Variants in NUP93 observed in about 807,000 individuals in gnomAD.
The protein encoded by NUP93 is nuclear pore complex protein Nup93.
NUP93 carries 55 observed loss-of-function variants against 107.8 expected under a neutral mutation model. That is an observed-to-expected ratio of 0.51 (90% CI 0.41 to 0.64). The LOEUF (loss-of-function observed/expected upper bound fraction) is 0.64, where lower values mean the gene tolerates loss of function less well. Among genes scored for constraint, NUP93 ranks in the 30% least tolerant of loss-of-function variants. NUP93 has a pLI of 0.00. For missense variants in NUP93, 937 were observed against 1,044.7 expected (o/e 0.90, Z 1.42); for synonymous variants, 390 against 397.5 (o/e 0.98, Z 0.22).
intron 21 of NUP93, among the ~76,000 whole-genome samples, chr16:56,843,538 G>A (rs1165307564): frequency 6.6e-6 from 1 of 152,172 alleles, no homozygotes; most frequent in Non-Finnish European, 1.5e-5. Flanking sequence ...GACGTCCTTG[G>A]TTTCATGGTT....
At chr16:56,782,195 C>T (rs993828252) in intron 3 of NUP93, 17 of 985,186 alleles carry the variant, frequency 1.7e-5, no homozygotes, top group Non-Finnish European at 4.8e-6. Flanking sequence ...TCTGTAACTC[C>T]TTAAATTTAA....
intron 5 of NUP93, among the ~76,000 whole-genome samples, chr16:56,807,785 G>A (rs1256512582): frequency 6.6e-6 from 1 of 151,888 alleles, no homozygotes; most frequent in Non-Finnish European, 1.5e-5. Context: ...CATGTTGGGA[G>A]GCCAAGGAGG....
rs768885206 is a variant in NUP93 at position 56,837,769 on chromosome 16, G to C, written c.2018+43G>C. The C allele has an allele frequency of 1.4e-5, 21 of 1,488,126 alleles. No homozygotes were observed. In the Admixed American group the frequency reaches 3.6e-4, roughly 26 times the overall value. 92.2% of individuals were successfully genotyped at this position (1,488,126 alleles called of 1,614,324 possible). ...TCCATGGGACCCTGAGGGTGCCACT[G>C]CCAGTGCCAGGCCACCTATGCCCAC... On this transcript the variant is annotated intron_variant, in intron 18 of 21. Coordinates refer to ENST00000308159, the MANE Select transcript of NUP93 (RefSeq NM_014669.5).
intron 3 of NUP93, among the ~76,000 whole-genome samples, chr16:56,770,746 G>A (rs181903071): frequency 1.3e-5 from 2 of 152,212 alleles, no homozygotes; most frequent in Non-Finnish European, 2.9e-5. Context: ...TACATGAAGT[G>A]TGTGTTAGAA....
intron 3 of NUP93, among the ~76,000 whole-genome samples, chr16:56,789,018 A>T (rs1450025063): frequency 6.6e-6 from 1 of 151,152 alleles, no homozygotes; most frequent in Non-Finnish European, 1.5e-5. Flanking sequence ...TTGCATGATA[A>T]TTTTTTTTTC....
chr16:56,800,892 A>C (rs892880631), intron 4 of NUP93, among the ~76,000 whole-genome samples: 1 of 152,246 alleles, frequency 6.6e-6, no homozygotes, highest in African/African-American at 2.4e-5. Context: ...ATGGGGTTCA[A>C]ATGCTCCCCA....
At chr16:56,814,935 G>C (rs548382474) in intron 5 of NUP93, among the ~76,000 whole-genome samples, 2 of 152,130 alleles carry the variant, frequency 1.3e-5, no homozygotes, top group Non-Finnish European at 2.9e-5. Flanking sequence ...ATATTTGCCG[G>C]TTCCTCTGTT....
In NUP93 at chr16:56,844,684, T is replaced by C; in HGVS notation, c.*75T>C. The C allele has an allele frequency of 1.2e-6, 1 of 826,232 alleles. No individual in the cohort carries two copies. The highest frequency in any genetic ancestry group is 1.8e-6 in the Non-Finnish European group (1 of 554,570). 51.2% of individuals were successfully genotyped at this position (826,232 alleles called of 1,614,324 possible). A position where few individuals can be genotyped will look rare whatever the true frequency, so the allele number is the denominator to read the frequency against. ...CACATGGGCCCACTAGGCTGGGGTT[T>C]CTGGTTTTGTTTCTGTTGTGTTTTG... is the stretch of plus-strand genomic sequence containing the variant. On this transcript the variant is annotated 3_prime_UTR_variant, in exon 22 of 22. Transcript: ENST00000308159.
intron 5 of NUP93, among the ~76,000 whole-genome samples, chr16:56,812,818 A>G (rs774126791): frequency 2.0e-5 from 3 of 152,240 alleles, no homozygotes; most frequent in Non-Finnish European, 4.4e-5. Flanking sequence ...ATGTGCTTTG[A>G]AACAAAAATG....
intron 1 of NUP93, among the ~76,000 whole-genome samples, chr16:56,745,837 TA>T (rs1237563952): frequency 6.6e-6 from 1 of 152,198 alleles, no homozygotes; most frequent in Non-Finnish European, 1.5e-5. Context: ...ATAATTAACT[TA>T]AAAAAATCTT....
intron 13 of NUP93, 78 bp downstream of exon 13, chr16:56,833,484 A>C (rs779157043): frequency 5.9e-5 from 70 of 1,191,702 alleles, no homozygotes; most frequent in Non-Finnish European, 7.6e-5. Flanking sequence ...ACAAAACCAC[A>C]ACCAATAAGG....
intron 1 of NUP93, chr16:56,740,691 T>G (rs1427092573): frequency 1.0e-5 from 2 of 197,326 alleles, no homozygotes; most frequent in Non-Finnish European, 2.1e-5. Flanking sequence ...GAGGTGTAGG[T>G]TGTAGTGAGC....
At chr16:56,782,816 C>T (rs1200286785) in intron 3 of NUP93, among the ~76,000 whole-genome samples, 4 of 152,092 alleles carry the variant, frequency 2.6e-5, no homozygotes, top group Non-Finnish European at 4.4e-5. Flanking sequence ...ATGAGAAGAA[C>T]TAAACAGTAA....
chr16:56,823,868 G>A (rs1366926879), intron 8 of NUP93, 22 bp downstream of exon 8: 2 of 1,608,698 alleles, frequency 1.2e-6, no homozygotes, highest in South Asian at 2.2e-5. Context: ...GTAGCACAGT[G>A]GGGCTGGCTT....
At chr16:56,792,115 G>A (rs534917779) in intron 3 of NUP93, among the ~76,000 whole-genome samples, 12 of 152,138 alleles carry the variant, frequency 7.9e-5, no homozygotes, top group East Asian at 1.9e-4. Flanking sequence ...AGGAGTTTGC[G>A]GCTGCAGTGA....
At chr16:56,823,957 T>G in intron 8 of NUP93, 111 bp downstream of exon 8, 1 of 1,320,402 alleles carries the variant, frequency 7.6e-7, no homozygotes, top group Non-Finnish European at 1.0e-6. Flanking sequence ...AATTTAAGAT[T>G]TATTATGTTA....
At chr16:56,770,713 A>T (rs1367894431) in intron 3 of NUP93, among the ~76,000 whole-genome samples, 1 of 152,170 alleles carries the variant, frequency 6.6e-6, no homozygotes, top group Non-Finnish European at 1.5e-5. Context: ...AGGAAAATTG[A>T]TAATAGAGAA....
chr16:56,760,369 A>C (rs1353863005), intron 3 of NUP93, among the ~76,000 whole-genome samples: 4 of 152,234 alleles, frequency 2.6e-5, no homozygotes, highest in African/African-American at 9.6e-5. Flanking sequence ...GTATTTGGCC[A>C]TCCTTGCATT....
intron 3 of NUP93, among the ~76,000 whole-genome samples, chr16:56,764,504 A>G (rs968479711): frequency 2.0e-5 from 3 of 152,210 alleles, no homozygotes; most frequent in African/African-American, 7.2e-5. Context: ...AATGAATAAA[A>G]TTAAAAAATG....
Sources: allele counts gnomAD v4.1 joint callset (sites outside exome capture counted in the v4.1 genomes callset), GRCh38; gene constraint gnomAD v4.1.1; transcripts MANE v1.5; gene names NCBI Gene and HGNC (gene_info 2026-07-23, HGNC 2026-07-21).